The following CCDC24 variants were observed in gnomAD, a reference collection of about 807,000 sequenced individuals.
CCDC24 encodes the protein coiled-coil domain containing 24.
Under a neutral mutation model 31.6 loss-of-function variants are expected in CCDC24, and 34 were observed. The observed-to-expected ratio is 1.08, with a 90% CI of 0.82 to 1.43. CCDC24 has a LOEUF of 1.43. Ranked by LOEUF, CCDC24 falls within the 40% of genes most tolerant of loss-of-function variation. The pLI is 0.00. For synonymous variants in CCDC24, 175 were observed against 157.3 expected, an observed-to-expected ratio of 1.11 and a Z score of -0.84; for missense variants, 426 against 391.1, an observed-to-expected ratio of 1.09 and a Z score of -0.75.
chr1:43,992,337 G>A lies in CCDC24; in HGVS notation c.252G>A (p.Glu84=). ...PPLLKDLLRQ[E]LRQLLQGLRH... ...TCCTAAAGGACCTCTTGCGCCAGGA[G>A]CTCCGGCAGTTGCTCCAGGGTCTCC... Residue 84 remains glutamate (E), a synonymous_variant, in exon 3 of 9, where the codon GAG becomes GAA. Coordinates refer to ENST00000372318, the MANE Select transcript of CCDC24 (RefSeq NM_152499.4). 6.2e-7 allele frequency: 1 copy of A among 1,614,186 alleles called. No individual in the cohort carries two copies.
Position 43,995,761 on chromosome 1 carries a change from C to T in CCDC24, c.623-17C>T, listed in dbSNP as rs2085834730. ...CTAGAAGAGCTGGGCACTGTCTCAG[C>T]CCAATCTCTCCTTCAGAGCTAAAGG... On this transcript the variant is annotated splice_polypyrimidine_tract_variant and intron_variant, in intron 7 of 8. Transcript: ENST00000372318. This position sits in a 1 kb window ranked among gnomAD's most constrained non-coding sequence, Gnocchi z 4.3. 1 of 1,614,048 alleles carries T rather than the reference C, an allele frequency of 6.2e-7. No homozygotes were observed. Among genetic ancestry groups the T allele is most frequent in the Non-Finnish European group, 8.5e-7 (1 of 1,180,002 alleles).
Position 43,991,799 on chromosome 1 carries a change from T to G in CCDC24, c.-32-48T>G, listed in dbSNP as rs781621449. ...TAGAGGGGCGGGGTTTGGTGAGCGT[T>G]GCCGGCGGGCCCGCGGTACCTCCCG... On this transcript the variant is annotated intron_variant, in intron 1 of 8. Coordinates refer to ENST00000372318, the MANE Select transcript of CCDC24 (RefSeq NM_152499.4). The G allele has an allele frequency of 4.7e-5, 71 of 1,526,766 alleles. No individual in the cohort carries two copies. In the African/African-American group the frequency reaches 7.3e-4, roughly 16 times the overall value. The allele number at this position is 1,526,766 out of a possible 1,614,324, so 94.6% of individuals were successfully genotyped here.
chr1:43,992,454 G>T (rs1441289546), intron 3 of CCDC24, 67 bp downstream of exon 3: 4 of 1,612,684 alleles, frequency 2.5e-6, no homozygotes, highest in Non-Finnish European at 2.5e-6. Context: ...CTAACAAGGA[G>T]CCAGGGTTGC....
Position 43,992,558 on chromosome 1 carries a change from G to A in CCDC24, c.338G>A (p.Arg113Lys). 3.1e-6 allele frequency: 5 copies of A among 1,614,228 alleles called. No individual in the cohort carries two copies. Among genetic ancestry groups the A allele is most frequent in the Non-Finnish European group, 4.2e-6 (5 of 1,180,044 alleles). Residue 113 changes from arginine (R) to lysine (K), a missense_variant, in exon 4 of 9, where the codon AGG becomes AAG. Coordinates refer to ENST00000372318, the MANE Select transcript of CCDC24 (RefSeq NM_152499.4). ...QAQAWVQYSP[R>K]VLHFALEEPR... is the part of the protein sequence containing the mutation. ...CAAGCTTGGGTCCAGTATAGCCCCAGGGTCCTGCACTTTGCCTTGGAGGAG... is the reference window on the plus strand; with the variant it reads ...CAAGCTTGGGTCCAGTATAGCCCCAAGGTCCTGCACTTTGCCTTGGAGGAG...
In CCDC24 at chr1:43,995,110, G is replaced by T. The variant is rs2085813216; in HGVS notation, c.500G>T (p.Gly167Val). ...GCTGCTGCTCCCTCATGTCCCAGGG[G>T]CCTTCTGGAGGAGGAGTGTCACACC... is the stretch of plus-strand genomic sequence containing the variant. The part of the protein sequence containing the change: ...NIDQVARHLR[G>V]LLEEECHTLE... Residue 167 changes from glycine to valine, a missense_variant and splice_region_variant, in exon 6 of 9, where the codon GGC becomes GTC. Physicochemically the swap from Gly to Val is moderately radical, Grantham distance 109. Coordinates refer to ENST00000372318, the MANE Select transcript of CCDC24 (RefSeq NM_152499.4). The surrounding 1 kb of genome is among the most constrained non-coding windows in gnomAD (Gnocchi z 4.3). 6.3e-7 allele frequency: 1 copy of T among 1,581,072 alleles called. No individual in the cohort carries two copies. Among genetic ancestry groups the T allele is most frequent in the East Asian group, 2.3e-5 (1 of 43,142 alleles).
At chr1:43,994,979 C>T (rs2085808508) in intron 5 of CCDC24, 129 bp from the exon 6 acceptor site, 2 of 759,180 alleles carry the variant, frequency 2.6e-6, no homozygotes, top group South Asian at 3.2e-5. Context: ...CAGCAGAGGG[C>T]AGTGTGGGCT....
chr1:43,993,799 A>T, intron 4 of CCDC24, 88 bp from the exon 5 acceptor site: 1 of 1,294,142 alleles, frequency 7.7e-7, no homozygotes. Flanking sequence ...CCTTTGTGAG[A>T]AAAGAAACAG....
At chr1:43,994,148 C>G (rs1215679232) in intron 5 of CCDC24, 184 bp downstream of exon 5, 2 of 604,350 alleles carry the variant, frequency 3.3e-6, no homozygotes, top group African/African-American at 1.8e-5. Flanking sequence ...AGGAAGCAGC[C>G]AAGTACAGAT....
At chr1:43,992,163 TC>T in intron 2 of CCDC24, 48 bp from the exon 3 acceptor site, 1 of 1,568,436 alleles carries the variant, frequency 6.4e-7, no homozygotes, top group East Asian at 2.2e-5. Flanking sequence ...CCCCCACCAT[TC>T]CGGACACTCC....
At chr1:43,994,330 C>T (rs1571819945) in intron 5 of CCDC24, 1 of 240,112 alleles carries the variant, frequency 4.2e-6, no homozygotes, top group African/African-American at 2.2e-5. Context: ...ACGCCTGTAC[C>T]AGTTACTTGG....
chr1:43,992,477 T>C (rs1253510168), intron 3 of CCDC24, 46 bp from the exon 4 acceptor site: 1 of 1,612,660 alleles, frequency 6.2e-7, no homozygotes, highest in Admixed American at 1.7e-5. Context: ...TTTCTGTGGT[T>C]TCCAGAAAGG....
chr1:43,995,727 G>C lies in CCDC24; in HGVS notation c.623-51G>C, dbSNP rs755769696. 31 of 1,613,292 alleles carry C rather than the reference G, an allele frequency of 1.9e-5. 1 individual carries two copies. In the Middle Eastern group the frequency reaches 2.6e-3, roughly 137 times the overall value. ...AGCCTCCTGCTCCCACCCCACACTT[G>C]TACACACCCTAGAAGAGCTGGGCAC... is the stretch of plus-strand genomic sequence containing the variant. On this transcript the variant is annotated intron_variant, in intron 7 of 8. Coordinates refer to ENST00000372318, the MANE Select transcript of CCDC24 (RefSeq NM_152499.4). The surrounding 1 kb of genome is among the most constrained non-coding windows in gnomAD (Gnocchi z 4.3).
Position 43,995,237 on chromosome 1 carries a change from C to T in CCDC24, c.552+75C>T. The T allele has an allele frequency of 5.0e-6, 7 of 1,413,842 alleles. No homozygotes were observed. The South Asian group carries it at 8.6e-5, about 17-fold the overall frequency. 87.6% of individuals were successfully genotyped at this position (1,413,842 alleles called of 1,614,324 possible). A position where few individuals can be genotyped will look rare whatever the true frequency, so the allele number is the denominator to read the frequency against. ...CTCTCACCTGGGTGAGACCCATGTACCTGTGTGCATACATAGGTGCATGTA... is the reference window on the plus strand; with the variant it reads ...CTCTCACCTGGGTGAGACCCATGTATCTGTGTGCATACATAGGTGCATGTA... On this transcript the variant is annotated intron_variant, in intron 6 of 8. Coordinates refer to ENST00000372318, the MANE Select transcript of CCDC24 (RefSeq NM_152499.4). This position sits in a 1 kb window ranked among gnomAD's most constrained non-coding sequence, Gnocchi z 4.3.
At chr1:43,994,771 CAG>C (rs1210831271) in intron 5 of CCDC24, 30 of 358,354 alleles carry the variant, frequency 8.4e-5, no homozygotes, top group Non-Finnish European at 4.1e-5. Flanking sequence ...TACCTTGACA[CAG>C]GGGTAGCCTG....
At chr1:43,994,815 T>G in intron 5 of CCDC24, 1 of 483,634 alleles carries the variant, frequency 2.1e-6, no homozygotes, top group Non-Finnish European at 3.7e-6. Flanking sequence ...GGAAGGGCTG[T>G]GATGTGGGGG....
chr1:43,992,460 G>T (rs1460084733), intron 3 of CCDC24, 63 bp from the exon 4 acceptor site: 2 of 1,612,734 alleles, frequency 1.2e-6, no homozygotes, highest in East Asian at 2.2e-5. Context: ...AGGAGCCAGG[G>T]TTGCCTTTTC....
chr1:43,991,773 A>T, intron 1 of CCDC24, 27 bp downstream of exon 1: 1 of 1,425,246 alleles, frequency 7.0e-7, no homozygotes, highest in Non-Finnish European at 9.6e-7. Context: ...GGCGGGGCCC[A>T]TAGAGGGGCG....
In CCDC24 at chr1:43,995,218, C is replaced by T; in HGVS notation, c.552+56C>T. On this transcript the variant is annotated intron_variant, in intron 6 of 8. Transcript: ENST00000372318. This position sits in a 1 kb window ranked among gnomAD's most constrained non-coding sequence, Gnocchi z 4.3. ...CCTCACTGCTGAGCGTAGACTCTCA[C>T]CTGGGTGAGACCCATGTACCTGTGT... 12 of 1,510,852 alleles carry T rather than the reference C, an allele frequency of 7.9e-6. No individual in the cohort carries two copies. The highest frequency in any genetic ancestry group is 1.1e-5 in the Non-Finnish European group (12 of 1,116,868). The allele number at this position is 1,510,852 out of a possible 1,614,324, so 93.6% of individuals were successfully genotyped here. A position where few individuals can be genotyped will look rare whatever the true frequency, so the allele number is the denominator to read the frequency against.
Position 43,992,363 on chromosome 1 carries a change from G to A in CCDC24, c.278G>A (p.Arg93His), listed in dbSNP as rs1231316565. 1 of 1,614,158 alleles carries A rather than the reference G, an allele frequency of 6.2e-7. No homozygotes were observed. Among genetic ancestry groups the A allele is most frequent in the Non-Finnish European group, 8.5e-7 (1 of 1,180,016 alleles). The change falls in exon 3 of 9, where the codon CGC (arginine) becomes CAC (histidine). Residue 93 changes from arginine (R) to histidine (H), a missense_variant. Physicochemically the swap from Arg to His is conservative, Grantham distance 29 (BLOSUM62 0). Coordinates refer to ENST00000372318, the MANE Select transcript of CCDC24 (RefSeq NM_152499.4). ...CTCCGGCAGTTGCTCCAGGGTCTCC[G>A]CCACAAAGCCATCTGTGAGGGCAGG... ...QELRQLLQGL[R>H]HKAICEGRDQ...
Sources: allele counts gnomAD v4.1 joint callset, GRCh38; gene constraint gnomAD v4.1.1; non-coding constraint Gnocchi (gnomAD v3.1); transcripts MANE v1.5; gene names NCBI Gene and HGNC (gene_info 2026-07-23, HGNC 2026-07-21).